TENM3: variants seen among roughly 807,000 people sequenced by gnomAD.
TENM3 encodes teneurin-3.
TENM3 carries 63 observed loss-of-function variants against 255.1 expected under a neutral mutation model. The observed-to-expected ratio is 0.25, with a 90% CI of 0.20 to 0.30. The LOEUF (loss-of-function observed/expected upper bound fraction) is 0.30, where lower values mean the gene tolerates loss of function less well. Among genes scored for constraint, TENM3 ranks in the 10% least tolerant of loss-of-function variants. The pLI is 1.00. For missense variants in TENM3, 2,929 were observed against 3,461.1 expected (o/e 0.85, Z 3.86); for synonymous variants, 1,306 against 1,322.3 (o/e 0.99, Z 0.27).
At chr4:181,965,259 G>A in the TENM3 span, among the ~76,000 whole-genome samples, 5 of 151,940 alleles carry the variant, frequency 3.3e-5, no homozygotes, top group East Asian at 1.9e-4. Flanking sequence ...TTAATCTTTC[G>A]TCTTTCTGCT....
the TENM3 span, among the ~76,000 whole-genome samples, chr4:181,494,345 C>A: frequency 0.027 from 4,077 of 152,206 alleles, 176 homozygotes; most frequent in African/African-American, 0.094. Flanking sequence ...AGTGCAATGG[C>A]GCAATCTTAG....
chr4:181,498,686 G>A, the TENM3 span, among the ~76,000 whole-genome samples: 1 of 152,128 alleles, frequency 6.6e-6, no homozygotes, highest in Non-Finnish European at 1.5e-5. Flanking sequence ...ATGGCTCACT[G>A]TAAGGACCAG....
At chr4:181,719,430 C>T in the TENM3 span, among the ~76,000 whole-genome samples, 1 of 152,158 alleles carries the variant, frequency 6.6e-6, no homozygotes, top group African/African-American at 2.4e-5. Flanking sequence ...TTATTTCTCA[C>T]GGTTCTGGAG....
At chr4:181,641,342 A>C in the TENM3 span, among the ~76,000 whole-genome samples, 3 of 148,500 alleles carry the variant, frequency 2.0e-5, no homozygotes, top group African/African-American at 7.5e-5. Flanking sequence ...CTAGCTCCCC[A>C]CCCCCGGCAG....
chr4:182,115,270 A>C, the TENM3 span, among the ~76,000 whole-genome samples: 1 of 152,224 alleles, frequency 6.6e-6, no homozygotes, highest in African/African-American at 2.4e-5. Context: ...TTCAAGAAAC[A>C]ATCATTGGAT....
intron 12 of TENM3, among the ~76,000 whole-genome samples, chr4:182,710,361 G>C (rs990204226): frequency 3.3e-5 from 5 of 152,092 alleles, no homozygotes; most frequent in Non-Finnish European, 7.4e-5. Context: ...TGAATGTTAT[G>C]CAGTAATACA....
At position 182,177,952 on chromosome 4, in the gene TENM3, G is replaced by GTT. The variant is rs1273933836; in HGVS notation, c.-76+33202_-76+33203dup. ...TTTGTCCAATATTTTATATGTTTTGGTTTTTGTTTTTTTTTTTTTTTTTGC... is the reference window on the plus strand; with the variant it reads ...TTTGTCCAATATTTTATATGTTTTGGTTTTTTTGTTTTTTTTTTTTTTTTTGC... On this transcript the variant is annotated intron_variant, in intron 1 of 2. Transcript: ENST00000512480. Among the ~76,000 whole-genome samples the GTT allele has an allele frequency of 7.5e-4, 56 of 75,120 alleles. 1 individual carries two copies. The highest frequency in any genetic ancestry group is 7.9e-3 in the Middle Eastern group (1 of 126). 49.3% of individuals were successfully genotyped at this position (75,120 alleles called of 152,430 possible). A position where few individuals can be genotyped will look rare whatever the true frequency, so the allele number is the denominator to read the frequency against.
the TENM3 span, among the ~76,000 whole-genome samples, chr4:181,495,281 A>G: frequency 6.6e-6 from 1 of 152,188 alleles, no homozygotes; most frequent in East Asian, 1.9e-4. Context: ...CATAGGAGTT[A>G]GCGAAGGAGT....
rs1001214614 is a variant in TENM3 at position 182,262,818 on chromosome 4, A to T, written c.-76+19342A>T. 4.2e-5 allele frequency among the ~76,000 whole-genome samples: 6 copies of T among 142,824 alleles called. 1 individual carries two copies. The South Asian group carries it at 1.3e-3, about 32-fold the overall frequency. 93.7% of individuals were successfully genotyped at this position (142,824 alleles called of 152,430 possible). A position where few individuals can be genotyped will look rare whatever the true frequency, so the allele number is the denominator to read the frequency against. On this transcript the variant is annotated intron_variant, in intron 1 of 27. Transcript: ENST00000511685. ...AAGCTCCGCCTCCCGGGTTCACGCC[A>T]TTCTCCTGCTTCAGCCTCCCGAGCA...
At chr4:182,280,728 A>G (rs1369788585) in intron 1 of TENM3, among the ~76,000 whole-genome samples, 3 of 152,142 alleles carry the variant, frequency 2.0e-5, no homozygotes, top group Admixed American at 6.5e-5. Context: ...TGGCGGGTCA[A>G]TTGGACTTGC....
At chr4:182,333,319 A>G (rs1385651418) in intron 2 of TENM3, among the ~76,000 whole-genome samples, 1 of 152,238 alleles carries the variant, frequency 6.6e-6, no homozygotes, top group Non-Finnish European at 1.5e-5. Context: ...GTAAAAATTC[A>G]AAACAAGTAT....
the TENM3 span, among the ~76,000 whole-genome samples, chr4:181,808,477 G>A: frequency 6.6e-6 from 1 of 152,096 alleles, no homozygotes. Context: ...TGGGCAGCCT[G>A]GAGAAGGATA....
At chr4:181,467,082 T>C in the TENM3 span, among the ~76,000 whole-genome samples, 36 of 32,694 alleles carry the variant, frequency 1.1e-3, no homozygotes, top group East Asian at 5.3e-3. Flanking sequence ...TGTGTGTGTG[T>C]GCGTGTGTGT....
At chr4:181,845,977 T>A in the TENM3 span, among the ~76,000 whole-genome samples, 1 of 152,198 alleles carries the variant, frequency 6.6e-6, no homozygotes, top group Non-Finnish European at 1.5e-5. Flanking sequence ...GCCTGGTCAT[T>A]CCTATTTACG....
chr4:181,547,174 A>G, the TENM3 span, among the ~76,000 whole-genome samples: 2 of 152,346 alleles, frequency 1.3e-5, no homozygotes, highest in Non-Finnish European at 2.9e-5. Flanking sequence ...GAAAAGAGAA[A>G]AAGTACAGAA....
intron 16 of TENM3, among the ~76,000 whole-genome samples, chr4:182,731,909 G>A (rs1164328920): frequency 1.3e-5 from 2 of 151,750 alleles, no homozygotes; most frequent in East Asian, 2.0e-4. Context: ...AGACTCCTGA[G>A]TAGCTGAGAC....
rs1010961120 is a variant in TENM3, at chr4:182,730,200, C to T, written c.2586C>T (p.Ser862=). ...VIPGESPFNK[S]LASVIRGQVL... is the part of the protein sequence containing the mutation. ...TCTCATTCTTCTGCTTTTCCAACAG[C>T]CTTGCATCTGTCATCAGAGGCCAAG... The change falls in exon 15 of 28, where the codon AGC becomes AGT. Residue 862 remains serine (S), a splice_region_variant and synonymous_variant. Transcript: ENST00000511685. The T allele has an allele frequency of 1.2e-6, 2 of 1,613,700 alleles. No homozygotes were observed. Among genetic ancestry groups the T allele is most frequent in the African/African-American group, 1.3e-5 (1 of 75,032 alleles).
At chr4:181,462,687 C>G in the TENM3 span, among the ~76,000 whole-genome samples, 1 of 151,532 alleles carries the variant, frequency 6.6e-6, no homozygotes, top group African/African-American at 2.4e-5. Context: ...TCCTTTTTTC[C>G]TTTTGAAACA....
intron 13 of TENM3, among the ~76,000 whole-genome samples, chr4:182,722,103 G>A (rs1759784274): frequency 1.3e-5 from 2 of 152,102 alleles, no homozygotes; most frequent in African/African-American, 2.4e-5. Context: ...TCTGGGTTAC[G>A]TGTCTTCTAA....
Sources: gnomAD v4.1 joint callset for allele counts (sites outside exome capture counted in the v4.1 genomes callset) on GRCh38, gnomAD v4.1.1 for gene constraint, MANE v1.5 for transcripts, NCBI Gene and HGNC (gene_info 2026-07-23, HGNC 2026-07-21) for gene names.